Variants in OR2L13 observed in about 807,000 individuals in gnomAD.
OR2L13 encodes the protein olfactory receptor 2L13.
OR2L13 carries 14 observed loss-of-function variants against 15.3 expected under a neutral mutation model. The observed-to-expected ratio is 0.91, with a 90% CI of 0.60 to 1.43. OR2L13 has a LOEUF of 1.43. OR2L13 is among the 40% of genes most tolerant of loss of function. The pLI, the probability that OR2L13 is intolerant of heterozygous loss-of-function variation, is 0.00. For missense variants in OR2L13, 367 were observed against 387.9 expected, an observed-to-expected ratio of 0.95 and a Z score of 0.45; for synonymous variants, 152 against 142.9, an observed-to-expected ratio of 1.06 and a Z score of -0.45.
At chr1:247,975,412 G>A in the OR2L13 span, 1 of 683,060 alleles carries the variant, frequency 1.5e-6, no homozygotes, top group Non-Finnish European at 2.8e-6. Flanking sequence ...TAAATCTGCA[G>A]AAGGGAGGAA....
At chr1:247,974,774 C>T in the OR2L13 span, 1 of 233,514 alleles carries the variant, frequency 4.3e-6, no homozygotes, top group Admixed American at 4.1e-5. Context: ...CAACTGATTT[C>T]ATCTTATTGG....
upstream of OR2L13, among the ~76,000 whole-genome samples, chr1:248,091,704 G>A (rs184278833): frequency 2.5e-4 from 38 of 152,258 alleles, no homozygotes; most frequent in East Asian, 6.7e-3. Flanking sequence ...ATAGTTTGAA[G>A]TCAAGTAATG....
At chr1:247,951,286 A>G in the OR2L13 span, among the ~76,000 whole-genome samples, 1 of 152,196 alleles carries the variant, frequency 6.6e-6, no homozygotes, top group South Asian at 2.1e-4. Flanking sequence ...CATAGTTCAT[A>G]CAAATCTTAG....
the OR2L13 span, among the ~76,000 whole-genome samples, chr1:248,086,491 G>A: frequency 3.3e-5 from 5 of 152,124 alleles, no homozygotes; most frequent in Middle Eastern, 6.8e-3. Flanking sequence ...ACATTGTATC[G>A]GTCAGATAAT....
chr1:248,027,824 G>T, the OR2L13 span, among the ~76,000 whole-genome samples: 1 of 151,928 alleles, frequency 6.6e-6, no homozygotes, highest in Non-Finnish European at 1.5e-5. Context: ...CGACCAATCA[G>T]CAATCCCCAC....
chr1:247,990,339 T>C, the OR2L13 span: 2 of 1,498,552 alleles, frequency 1.3e-6, no homozygotes, highest in East Asian at 4.5e-5. Flanking sequence ...AATTGGCCAT[T>C]TCATCTTCAT....
At chr1:247,989,063 A>C in the OR2L13 span, among the ~76,000 whole-genome samples, 1 of 152,138 alleles carries the variant, frequency 6.6e-6, no homozygotes, top group Non-Finnish European at 1.5e-5. Flanking sequence ...TGGCATATAG[A>C]TATTCAGATG....
chr1:248,074,241 T>G, the OR2L13 span, among the ~76,000 whole-genome samples: 1 of 152,136 alleles, frequency 6.6e-6, no homozygotes, highest in African/African-American at 2.4e-5. Context: ...TTGATTATTC[T>G]CTAGGTAATG....
the OR2L13 span, among the ~76,000 whole-genome samples, chr1:247,987,959 GATT>G: frequency 2.6e-5 from 4 of 152,048 alleles, no homozygotes; most frequent in East Asian, 7.7e-4. Context: ...TATTTCTTCT[GATT>G]ATTATTACTA....
the OR2L13 span, among the ~76,000 whole-genome samples, chr1:248,025,160 C>A: frequency 2.0e-5 from 3 of 147,268 alleles, no homozygotes; most frequent in African/African-American, 7.9e-5. Context: ...AGTGAACAGG[C>A]AACCTACAAA....
At chr1:247,973,439 A>G in the OR2L13 span, among the ~76,000 whole-genome samples, 543 of 152,344 alleles carry the variant, frequency 3.6e-3, 4 homozygotes, top group African/African-American at 0.012. Flanking sequence ...GCCTCAGGAT[A>G]CAAAATCAAT....
chr1:247,966,463 A>G, the OR2L13 span: 1 of 944,696 alleles, frequency 1.1e-6, no homozygotes, highest in Non-Finnish European at 1.5e-6. Context: ...AAAGCAATAG[A>G]ATTCAGGCTT....
At chr1:248,002,955 T>C in the OR2L13 span, among the ~76,000 whole-genome samples, 4 of 152,152 alleles carry the variant, frequency 2.6e-5, no homozygotes, top group Non-Finnish European at 5.9e-5. Flanking sequence ...TCTGATAGAA[T>C]TCAGCTATAA....
chr1:247,967,454 C>T, the OR2L13 span, among the ~76,000 whole-genome samples: 6 of 152,126 alleles, frequency 3.9e-5, no homozygotes, highest in African/African-American at 9.7e-5. Flanking sequence ...GTTTCGAACT[C>T]CTGATCTCAA....
chr1:247,988,471 A>G, the OR2L13 span, among the ~76,000 whole-genome samples: 1 of 152,048 alleles, frequency 6.6e-6, no homozygotes, highest in Non-Finnish European at 1.5e-5. Context: ...AGGAATTCTT[A>G]TTTTTAAAAA....
At chr1:248,075,196 A>T in the OR2L13 span, among the ~76,000 whole-genome samples, 1 of 152,210 alleles carries the variant, frequency 6.6e-6, no homozygotes, top group East Asian at 1.9e-4. Flanking sequence ...TGCAAAGGAC[A>T]TGAACTCATT....
chr1:248,055,278 G>A, the OR2L13 span, among the ~76,000 whole-genome samples: 1 of 152,144 alleles, frequency 6.6e-6, no homozygotes, highest in Non-Finnish European at 1.5e-5. Flanking sequence ...TTGCATCCAG[G>A]GGATGAAGCT....
chr1:247,953,272 T>G, the OR2L13 span, among the ~76,000 whole-genome samples: 2 of 152,336 alleles, frequency 1.3e-5, no homozygotes, highest in East Asian at 1.9e-4. Flanking sequence ...GTTCTTTGTA[T>G]GCAAATGTTA....
chr1:248,010,052 C>G, the OR2L13 span, among the ~76,000 whole-genome samples: 1 of 152,044 alleles, frequency 6.6e-6, no homozygotes, highest in Non-Finnish European at 1.5e-5. Flanking sequence ...AACCCACAAC[C>G]AATACAATAC....
Sources: gnomAD v4.1 joint callset for allele counts (sites outside exome capture counted in the v4.1 genomes callset) on GRCh38, gnomAD v4.1.1 for gene constraint, MANE v1.5 for transcripts, NCBI Gene and HGNC (gene_info 2026-07-23, HGNC 2026-07-21) for gene names.